EED: variants seen among roughly 807,000 people sequenced by gnomAD.
EED encodes the protein embryonic ectoderm development.
In EED, 9 loss-of-function variants were observed where a neutral mutation model predicts 61.0. The ratio of observed to expected loss-of-function variants is 0.15; its 90% CI spans 0.09 to 0.26. The LOEUF (loss-of-function observed/expected upper bound fraction) is 0.26, where lower values mean the gene tolerates loss of function less well. EED is among the 10% of genes least tolerant of loss of function. The pLI, the probability that EED is intolerant of heterozygous loss-of-function variation, is 1.00. For missense variants in EED, 315 were observed against 542.3 expected, an observed-to-expected ratio of 0.58 and a Z score of 4.16; for synonymous variants, 187 against 174.4, an observed-to-expected ratio of 1.07 and a Z score of -0.57.
chr11:86,286,593 CT>C, the EED span, among the ~76,000 whole-genome samples: 1 of 152,120 alleles, frequency 6.6e-6, no homozygotes, highest in South Asian at 2.1e-4. Flanking sequence ...GACAGTCATT[CT>C]GCTTAATTGC....
chr11:86,268,444 T>G lies in EED; in HGVS notation c.861-12T>G. The G allele has an allele frequency of 2.0e-5, 29 of 1,464,040 alleles. No individual in the cohort carries two copies. Among genetic ancestry groups the G allele is most frequent in the Non-Finnish European group, 2.5e-5 (27 of 1,064,152 alleles). 90.7% of individuals were successfully genotyped at this position (1,464,040 alleles called of 1,614,324 possible). A position where few individuals can be genotyped will look rare whatever the true frequency, so the allele number is the denominator to read the frequency against. Reference sequence around the variant, plus strand: ...TTTCTTTTAACTTTTTACATTTCCATTCTTCCTTCAGGCCATTTATTTCTC... The same window carrying G: ...TTTCTTTTAACTTTTTACATTTCCAGTCTTCCTTCAGGCCATTTATTTCTC... On this transcript the variant is annotated splice_polypyrimidine_tract_variant and intron_variant, in intron 8 of 11. Coordinates refer to ENST00000263360, the MANE Select transcript of EED (RefSeq NM_003797.5).
chr11:86,261,545 G>A (rs1452604222), intron 6 of EED, among the ~76,000 whole-genome samples: 1 of 152,192 alleles, frequency 6.6e-6, no homozygotes, highest in East Asian at 1.9e-4. Flanking sequence ...TTTCCCCATG[G>A]CTCCACCAGG....
Position 86,245,224 on chromosome 11 carries a change from A to G in EED, c.-6A>G, listed in dbSNP as rs376021652. 2.5e-6 allele frequency: 4 copies of G among 1,610,264 alleles called. No individual in the cohort carries two copies. In the South Asian group the frequency reaches 3.3e-5, roughly 13 times the overall value. On this transcript the variant is annotated 5_prime_UTR_variant, in exon 1 of 12. Transcript: ENST00000263360. Reference sequence around the variant, plus strand: ...GCGGCAGGAACCTGGAGGGAGGCGGAGGAATATGTCCGAGAGGGAAGTGTC... The same window carrying G: ...GCGGCAGGAACCTGGAGGGAGGCGGGGGAATATGTCCGAGAGGGAAGTGTC...
intron 2 of EED, among the ~76,000 whole-genome samples, chr11:86,251,369 A>C (rs1038431266): frequency 1.3e-5 from 2 of 152,206 alleles, no homozygotes; most frequent in Admixed American, 1.3e-4. Flanking sequence ...TACCTGGAAG[A>C]TGTTTTTAGC....
chr11:86,253,747 T>G (rs1010185784), intron 3 of EED, among the ~76,000 whole-genome samples: 1 of 152,092 alleles, frequency 6.6e-6, no homozygotes, highest in African/African-American at 2.4e-5. Context: ...TGACTGACTA[T>G]AAGCTATAAG....
chr11:86,258,135 A>G (rs1187835644), intron 6 of EED, among the ~76,000 whole-genome samples: 1 of 151,320 alleles, frequency 6.6e-6, no homozygotes, highest in Admixed American at 6.6e-5. Flanking sequence ...GTATGGACAG[A>G]TAGTGTTCTA....
chr11:86,269,204 C>G (rs1187417770), intron 9 of EED, among the ~76,000 whole-genome samples: 1 of 152,194 alleles, frequency 6.6e-6, no homozygotes. Context: ...CTGCATACTG[C>G]TAGCCCAGGA....
At chr11:86,261,050 G>T (rs1204979457) in intron 6 of EED, among the ~76,000 whole-genome samples, 1 of 151,896 alleles carries the variant, frequency 6.6e-6, no homozygotes, top group African/African-American at 2.4e-5. Flanking sequence ...TGCTTTTTCG[G>T]GGGTTCATTT....
chr11:86,248,543 T>G (rs984750934), intron 1 of EED, among the ~76,000 whole-genome samples: 2 of 152,210 alleles, frequency 1.3e-5, no homozygotes, highest in African/African-American at 4.8e-5. Flanking sequence ...GCAAATGTTA[T>G]ACAGTAATGG....
rs35089551 is a variant in EED, at chr11:86,245,020, G to GGC, written c.-197_-196dup. 697 of 471,018 alleles carry GGC rather than the reference G, an allele frequency of 1.5e-3. 1 individual carries two copies. Among genetic ancestry groups the GGC allele is most frequent in the African/African-American group, 9.1e-3 (437 of 48,186 alleles). 29.2% of individuals were successfully genotyped at this position (471,018 alleles called of 1,614,324 possible). A position where few individuals can be genotyped will look rare whatever the true frequency, so the allele number is the denominator to read the frequency against. On this transcript the variant is annotated 5_prime_UTR_variant, in exon 1 of 12. Coordinates refer to ENST00000263360, the MANE Select transcript of EED (RefSeq NM_003797.5). The stretch of plus-strand genomic sequence containing the variant: ...AAGGAGCCAGGAAGCCGCGCGGGAG[G>GGC]GCGCGCGCGCGCGCCCCTTTTTCAG...
chr11:86,280,257 AT>A (rs1269844491), downstream of EED, among the ~76,000 whole-genome samples: 4 of 152,056 alleles, frequency 2.6e-5, no homozygotes, highest in African/African-American at 9.7e-5. Flanking sequence ...TGCCCAGCTA[AT>A]TTTTGTATTT....
intron 10 of EED, 94 bp from the exon 11 acceptor site, chr11:86,277,824 T>G (rs1946267459): frequency 7.8e-7 from 1 of 1,286,638 alleles, no homozygotes; most frequent in Admixed American, 3.1e-5. Context: ...AACTGAGCTT[T>G]TTCTGAAACA....
At chr11:86,286,482 A>G in the EED span, among the ~76,000 whole-genome samples, 10 of 152,228 alleles carry the variant, frequency 6.6e-5, no homozygotes, top group South Asian at 2.1e-4. Flanking sequence ...CTTTAAAATT[A>G]TCTTTAAGCA....
rs1181649406 is a variant in EED, at chr11:86,245,156, G to C, written c.-74G>C. The stretch of plus-strand genomic sequence containing the variant: ...AGCGGCAACTTTGCGGCAAGCTCGG[G>C]CCGGGCTTGCTTGACGGCGGTGTGG... On this transcript the variant is annotated 5_prime_UTR_variant, in exon 1 of 12. Transcript: ENST00000263360. The C allele has an allele frequency of 3.1e-6, 4 of 1,294,980 alleles. No individual in the cohort carries two copies. Among genetic ancestry groups the C allele is most frequent in the Non-Finnish European group, 4.4e-6 (4 of 917,400 alleles). 80.2% of individuals were successfully genotyped at this position (1,294,980 alleles called of 1,614,324 possible). A position where few individuals can be genotyped will look rare whatever the true frequency, so the allele number is the denominator to read the frequency against.
chr11:86,252,165 A>G lies in EED; in HGVS notation c.285A>G (p.Pro95=). The change falls in exon 3 of 12, where the codon CCA becomes CCG. Residue 95 remains proline (P), a synonymous_variant. Coordinates refer to ENST00000263360, the MANE Select transcript of EED (RefSeq NM_003797.5). ...VNSLKEDHNQ[P]LFGVQFNWHS... is the part of the protein sequence containing the mutation. ...TTTTATAGGAAGATCATAACCAACC[A>G]TTGTTTGGAGTTCAGTTTAACTGGC... The G allele has an allele frequency of 1.9e-6, 3 of 1,611,840 alleles. No homozygotes were observed. Among genetic ancestry groups the G allele is most frequent in the Non-Finnish European group, 2.5e-6 (3 of 1,178,608 alleles).
In EED at chr11:86,278,730, T is replaced by A. The variant is rs1946286352; in HGVS notation, c.*205T>A. The A allele has an allele frequency of 3.5e-6, 2 of 565,856 alleles. No individual in the cohort carries two copies. The highest frequency in any genetic ancestry group is 7.2e-5 in the South Asian group (1 of 13,820). The allele number at this position is 565,856 out of a possible 1,614,324, so 35.1% of individuals were successfully genotyped here. A position where few individuals can be genotyped will look rare whatever the true frequency, so the allele number is the denominator to read the frequency against. On this transcript the variant is annotated 3_prime_UTR_variant, in exon 12 of 12. Coordinates refer to ENST00000263360, the MANE Select transcript of EED (RefSeq NM_003797.5). Reference sequence around the variant, plus strand: ...CTCTACTGCTTTTAATAAAAATTTATTTTTGTAAAGCTGTGTGTTTAGTTA... The same window carrying A: ...CTCTACTGCTTTTAATAAAAATTTAATTTTGTAAAGCTGTGTGTTTAGTTA...
intron 9 of EED, among the ~76,000 whole-genome samples, chr11:86,275,160 G>T (rs1946200352): frequency 6.6e-6 from 1 of 152,116 alleles, no homozygotes; most frequent in Non-Finnish European, 1.5e-5. Flanking sequence ...GTGTTCCAAG[G>T]TTTCTAACTT....
intron 11 of EED, 32 bp downstream of exon 11, chr11:86,278,023 C>A: frequency 6.7e-7 from 1 of 1,484,424 alleles, no homozygotes; most frequent in South Asian, 1.5e-5. Flanking sequence ...TTCAAAATTT[C>A]AGGCTTTTTC....
intron 5 of EED, 27 bp downstream of exon 5, chr11:86,256,539 T>G (rs372688306): frequency 4.6e-6 from 7 of 1,534,706 alleles, no homozygotes; most frequent in Non-Finnish European, 6.2e-6. Flanking sequence ...AAATTGTAGA[T>G]CTGCTTCTTT....
Sources: gnomAD v4.1 joint callset for allele counts (sites outside exome capture counted in the v4.1 genomes callset) on GRCh38, gnomAD v4.1.1 for gene constraint, MANE v1.5 for transcripts, NCBI Gene and HGNC (gene_info 2026-07-23, HGNC 2026-07-21) for gene names.